Variants in NRXN3 observed in about 807,000 individuals in gnomAD.
NRXN3 encodes neurexin 3.
A neutral mutation model predicts 137.6 loss-of-function variants in NRXN3; 32 were observed. The observed-to-expected ratio is 0.23, with a 90% CI of 0.18 to 0.31. The LOEUF (loss-of-function observed/expected upper bound fraction) is 0.31, where lower values mean the gene tolerates loss of function less well. Ranked by LOEUF, NRXN3 falls within the 10% of genes least tolerant of loss-of-function variation. The pLI is 1.00. For synonymous variants in NRXN3, 798 were observed against 784.5 expected (o/e 1.02, Z -0.29); for missense variants, 1,574 against 2,062.5 (o/e 0.76, Z 4.59).
chr14:78,609,432 T>C (rs1013669341), intron 4 of NRXN3, among the ~76,000 whole-genome samples: 1 of 151,950 alleles, frequency 6.6e-6, no homozygotes, highest in African/African-American at 2.4e-5. Flanking sequence ...ACGGTCACAC[T>C]ACTTTAAAGT....
intron 16 of NRXN3, among the ~76,000 whole-genome samples, chr14:79,561,205 C>A (rs905671729): frequency 1.3e-5 from 2 of 152,104 alleles, no homozygotes; most frequent in African/African-American, 4.8e-5. Context: ...TTGTCTTTCT[C>A]CAGCTGTTGA....
chr14:78,440,941 G>A (rs2094223583), intron 4 of NRXN3, among the ~76,000 whole-genome samples: 2 of 152,176 alleles, frequency 1.3e-5, no homozygotes, highest in African/African-American at 4.8e-5. Context: ...GGGTCCAACT[G>A]TCTGTGTCCT....
chr14:79,396,723 A>T (rs181251438), intron 15 of NRXN3, among the ~76,000 whole-genome samples: 1 of 152,192 alleles, frequency 6.6e-6, no homozygotes, highest in East Asian at 1.9e-4. Context: ...TTTTTACTTG[A>T]TTAATTTAAT....
At chr14:79,748,040 C>T (rs190689546) in intron 19 of NRXN3, among the ~76,000 whole-genome samples, 2 of 151,510 alleles carry the variant, frequency 1.3e-5, no homozygotes, top group East Asian at 3.9e-4. Flanking sequence ...ACATTGGGGC[C>T]TGTCGGGGAG....
At chr14:78,236,617 A>G (rs779093429) in intron 1 of NRXN3, among the ~76,000 whole-genome samples, 1 of 152,214 alleles carries the variant, frequency 6.6e-6, no homozygotes, top group Non-Finnish European at 1.5e-5. Flanking sequence ...TCCTGGGGTA[A>G]AAATGTTCAG....
chr14:79,172,669 C>T (rs1568494510), intron 15 of NRXN3, among the ~76,000 whole-genome samples: 1 of 152,008 alleles, frequency 6.6e-6, no homozygotes. Flanking sequence ...AAAGTAATTC[C>T]CCACTACATT....
intron 15 of NRXN3, among the ~76,000 whole-genome samples, chr14:79,460,639 G>T (rs1171255345): frequency 1.3e-5 from 2 of 152,166 alleles, no homozygotes; most frequent in Non-Finnish European, 2.9e-5. Flanking sequence ...TGCCTCTGTA[G>T]ATCCTAGAAA....
chr14:78,659,563 T>A (rs1433328800), intron 6 of NRXN3, among the ~76,000 whole-genome samples: 3 of 151,886 alleles, frequency 2.0e-5, no homozygotes, highest in African/African-American at 4.8e-5. Flanking sequence ...ACGCCTGTGG[T>A]CCCAGGTATT....
intron 15 of NRXN3, among the ~76,000 whole-genome samples, chr14:79,439,874 A>C (rs937172035): frequency 6.6e-6 from 1 of 152,240 alleles, no homozygotes; most frequent in Non-Finnish European, 1.5e-5. Flanking sequence ...ATTAATTTAT[A>C]CATAAACATC....
chr14:79,760,502 A>C (rs539622676), intron 19 of NRXN3: 1 of 151,360 alleles, frequency 6.6e-6, no homozygotes, highest in East Asian at 1.9e-4. Context: ...AAGAAGTTAC[A>C]AAGACAAGAA....
At chr14:79,165,213 A>C (rs1284434290) in intron 15 of NRXN3, among the ~76,000 whole-genome samples, 1 of 151,966 alleles carries the variant, frequency 6.6e-6, no homozygotes, top group Non-Finnish European at 1.5e-5. Context: ...GCCCAGGTCC[A>C]CTTCTAAGGA....
At chr14:78,910,562 T>C (rs1435286256) in intron 10 of NRXN3, among the ~76,000 whole-genome samples, 1 of 152,078 alleles carries the variant, frequency 6.6e-6, no homozygotes, top group Non-Finnish European at 1.5e-5. Flanking sequence ...CAACCTCTAA[T>C]CTTTTAGCAG....
At chr14:79,801,879 G>A (rs2099182667) in intron 19 of NRXN3, among the ~76,000 whole-genome samples, 1 of 151,888 alleles carries the variant, frequency 6.6e-6, no homozygotes. Context: ...GGGATTAGGG[G>A]CCCATTCATG....
chr14:79,581,901 C>A (rs569888284), intron 16 of NRXN3, among the ~76,000 whole-genome samples: 20 of 152,262 alleles, frequency 1.3e-4, no homozygotes, highest in African/African-American at 4.8e-4. Context: ...ATCTGATCCC[C>A]AAAGCACCCC....
chr14:78,422,073 C>T (rs997587692), intron 4 of NRXN3, among the ~76,000 whole-genome samples: 1 of 152,142 alleles, frequency 6.6e-6, no homozygotes, highest in Non-Finnish European at 1.5e-5. Flanking sequence ...GCCTTCCTCA[C>T]AGGTCCCTGG....
At chr14:79,209,960 A>T (rs2067399065) in intron 15 of NRXN3, among the ~76,000 whole-genome samples, 1 of 152,302 alleles carries the variant, frequency 6.6e-6, no homozygotes, top group Non-Finnish European at 1.5e-5. Context: ...AGTGAGGAAG[A>T]ACCAGTTATT....
At chr14:79,770,011 T>A (rs1206989341) in intron 19 of NRXN3, among the ~76,000 whole-genome samples, 2 of 151,228 alleles carry the variant, frequency 1.3e-5, no homozygotes, top group African/African-American at 4.9e-5. Context: ...CCAACAAAGA[T>A]CAAAAGAGAC....
At chr14:79,192,837 C>A (rs1337108028) in intron 15 of NRXN3, among the ~76,000 whole-genome samples, 1 of 130,786 alleles carries the variant, frequency 7.6e-6, no homozygotes, top group Non-Finnish European at 1.5e-5. Context: ...GTGGCATGAT[C>A]TCAGCTCACT....
At chr14:79,853,723 G>A in intron 20 of NRXN3, 1 of 1,159,814 alleles carries the variant, frequency 8.6e-7, no homozygotes, top group South Asian at 2.0e-5. Context: ...TTTATGTGCT[G>A]TCATCCATCT....
Sources: gnomAD v4.1 joint callset for allele counts (sites outside exome capture counted in the v4.1 genomes callset) on GRCh38, gnomAD v4.1.1 for gene constraint, MANE v1.5 for transcripts, NCBI Gene and HGNC (gene_info 2026-07-23, HGNC 2026-07-21) for gene names.